Variants in IGLON5 observed in about 807,000 individuals in gnomAD.
The protein encoded by IGLON5 is Ig-like domain-containing protein ENSP00000270642.
In IGLON5, 16 loss-of-function variants were observed where a neutral mutation model predicts 38.2. The ratio of observed to expected loss-of-function variants is 0.42; its 90% confidence interval spans 0.28 to 0.64. The LOEUF (loss-of-function observed/expected upper bound fraction) is 0.64, where lower values mean the gene tolerates loss of function less well. Among genes scored for constraint, IGLON5 ranks in the 30% least tolerant of loss-of-function variants. The pLI is 0.23. For missense variants in IGLON5, 366 were observed against 483.4 expected (o/e 0.76, Z 2.28); for synonymous variants, 207 against 216.4 (o/e 0.96, Z 0.38).
At chr19:51,318,213 C>A (rs1020565497) in intron 1 of IGLON5, among the ~76,000 whole-genome samples, 4 of 152,228 alleles carry the variant, frequency 2.6e-5, no homozygotes, top group Non-Finnish European at 5.9e-5. Flanking sequence ...GTGTTGCAGG[C>A]ATCCATTTAT....
At position 51,311,931 on chromosome 19, in the gene IGLON5, CG is replaced by C; in HGVS notation, c.79+6del. On this transcript the variant is annotated splice_donor_region_variant and intron_variant, in intron 1 of 7. Coordinates refer to ENST00000270642, the MANE Select transcript of IGLON5 (RefSeq NM_001101372.3). ...GCTTGGCCGTCATCAGCCGAGGTAC[CG>C]CAGCGCCGGGGGCGGGGGGCTCGGC... The C allele has an allele frequency of 7.5e-7, 1 of 1,325,626 alleles. No individual in the cohort carries two copies. The highest frequency in any genetic ancestry group is 9.6e-7 in the Non-Finnish European group (1 of 1,036,776). The allele number at this position is 1,325,626 out of a possible 1,614,324, so 82.1% of individuals were successfully genotyped here. A position where few individuals can be genotyped will look rare whatever the true frequency, so the allele number is the denominator to read the frequency against.
At position 51,311,936 on chromosome 19, in the gene IGLON5, C is replaced by T. The variant is rs1432098468; in HGVS notation, c.79+10C>T. The T allele has an allele frequency of 7.6e-7, 1 of 1,314,420 alleles. No individual in the cohort carries two copies. The highest frequency in any genetic ancestry group is 9.7e-7 in the Non-Finnish European group (1 of 1,030,934). 81.4% of individuals were successfully genotyped at this position (1,314,420 alleles called of 1,614,324 possible). A position where few individuals can be genotyped will look rare whatever the true frequency, so the allele number is the denominator to read the frequency against. The stretch of plus-strand genomic sequence containing the variant: ...GCCGTCATCAGCCGAGGTACCGCAG[C>T]GCCGGGGGCGGGGGGCTCGGCCGGG... On this transcript the variant is annotated intron_variant, in intron 1 of 7. Transcript: ENST00000270642.
At position 51,327,214 on chromosome 19, in the gene IGLON5, TGA is replaced by T. The variant is rs766387080; in HGVS notation, c.767+16_767+17del. The stretch of plus-strand genomic sequence containing the variant: ...GGATGACAGACTGTGAGGACAGCAC[TGA>T]GGGGGCCGTGGGAGCGGGAAGGGGA... On this transcript the variant is annotated intron_variant, in intron 6 of 7. Transcript: ENST00000270642. This position sits in a 1 kb window ranked among gnomAD's most constrained non-coding sequence, Gnocchi z 7.1. 22 of 1,601,710 alleles carry T rather than the reference TGA, an allele frequency of 1.4e-5. No individual in the cohort carries two copies. Among genetic ancestry groups the T allele is most frequent in the Non-Finnish European group, 1.7e-5 (20 of 1,172,772 alleles).
At chr19:51,322,699 CTGTG>C (rs887828659) in intron 2 of IGLON5, among the ~76,000 whole-genome samples, 2 of 141,674 alleles carry the variant, frequency 1.4e-5, no homozygotes, top group South Asian at 2.6e-4. Flanking sequence ...CTGTCCTTCT[CTGTG>C]TGTGTGTCTC....
At chr19:51,326,097 C>A (rs1434587924) in intron 4 of IGLON5, among the ~76,000 whole-genome samples, 1 of 152,098 alleles carries the variant, frequency 6.6e-6, no homozygotes, top group African/African-American at 2.4e-5. Flanking sequence ...TTATGTGGAT[C>A]TCCACCACCA....
intron 1 of IGLON5, 76 bp downstream of exon 1, chr19:51,312,002 G>A: frequency 2.6e-6 from 2 of 783,926 alleles, no homozygotes; most frequent in African/African-American, 3.7e-5. Flanking sequence ...ATCAGGGGTG[G>A]GGGTCGAGGG....
intron 1 of IGLON5, among the ~76,000 whole-genome samples, chr19:51,316,355 A>AAG (rs1366654292): frequency 1.3e-5 from 2 of 150,916 alleles, no homozygotes; most frequent in African/African-American, 4.9e-5. Context: ...AAAAAAAAAA[A>AAG]AAAAGAAAAG....
At chr19:51,321,114 G>A (rs1985045393) in intron 1 of IGLON5, among the ~76,000 whole-genome samples, 1 of 152,166 alleles carries the variant, frequency 6.6e-6, no homozygotes, top group Non-Finnish European at 1.5e-5. Context: ...GTATATGTCT[G>A]TGCGTGTAGA....
intron 1 of IGLON5, among the ~76,000 whole-genome samples, chr19:51,313,381 C>T (rs1404030709): frequency 1.3e-5 from 2 of 152,234 alleles, no homozygotes; most frequent in African/African-American, 2.4e-5. Flanking sequence ...GTCTCTGGGT[C>T]ATTGTCTCTC....
chr19:51,312,396 A>G (rs1408769726), intron 1 of IGLON5, among the ~76,000 whole-genome samples: 1 of 151,900 alleles, frequency 6.6e-6, no homozygotes, highest in Non-Finnish European at 1.5e-5. Flanking sequence ...GGGCTGGGGT[A>G]GTCATCTCGG....
chr19:51,312,989 G>A (rs1227822558), intron 1 of IGLON5, among the ~76,000 whole-genome samples: 2 of 152,118 alleles, frequency 1.3e-5, no homozygotes, highest in Admixed American at 6.5e-5. Context: ...ATTCCCCCAG[G>A]CCCTCCCCTG....
chr19:51,315,969 C>T (rs375507462), intron 1 of IGLON5, among the ~76,000 whole-genome samples: 199 of 150,682 alleles, frequency 1.3e-3, no homozygotes, highest in African/African-American at 4.5e-3. Context: ...GCTGGGATTA[C>T]AGGCGTGAGC....
intron 1 of IGLON5, among the ~76,000 whole-genome samples, chr19:51,312,940 GGAGGGCAGGGA>G (rs1439897820): frequency 6.6e-6 from 1 of 152,148 alleles, no homozygotes; most frequent in African/African-American, 2.4e-5. Context: ...TGGGCGCTCA[GGAGGGCAGGGA>G]GCTGGGTTAA....
intron 1 of IGLON5, among the ~76,000 whole-genome samples, chr19:51,315,364 C>T (rs896137309): frequency 9.9e-5 from 15 of 152,156 alleles, no homozygotes; most frequent in Non-Finnish European, 1.9e-4. Flanking sequence ...GTTCATCTGG[C>T]TTGTGGGCTG....
intron 1 of IGLON5, among the ~76,000 whole-genome samples, chr19:51,312,354 G>T (rs527256105): frequency 6.6e-6 from 1 of 152,112 alleles, no homozygotes; most frequent in African/African-American, 2.4e-5. Context: ...TCATCTGTAC[G>T]TGGAGAGGGT....
intron 4 of IGLON5, 47 bp from the exon 5 acceptor site, chr19:51,326,717 A>G: frequency 7.6e-7 from 1 of 1,319,032 alleles, no homozygotes; most frequent in Non-Finnish European, 1.0e-6. Flanking sequence ...GTCCCGTGTT[A>G]AGTGTTTGTG....
chr19:51,327,720 G>A lies in IGLON5; in HGVS notation c.768-12G>A, dbSNP rs760696280. On this transcript the variant is annotated splice_polypyrimidine_tract_variant and intron_variant, in intron 6 of 7. Coordinates refer to ENST00000270642, the MANE Select transcript of IGLON5 (RefSeq NM_001101372.3). This position sits in a 1 kb window ranked among gnomAD's most constrained non-coding sequence, Gnocchi z 7.1. ...GCGCTGCGGCCCGGCCCCTGACCCG[G>A]ATCCCTGGCAGGCTGAGCAGCGGCA... 1.9e-6 allele frequency: 3 copies of A among 1,562,818 alleles called. No homozygotes were observed. The highest frequency in any genetic ancestry group is 1.2e-5 in the South Asian group (1 of 85,064).
chr19:51,326,640 T>A, intron 4 of IGLON5, 124 bp from the exon 5 acceptor site: 2 of 50,912 alleles, frequency 3.9e-5, no homozygotes, highest in Non-Finnish European at 8.3e-5. Context: ...CCCACCCCCA[T>A]TGACCCGGGC....
chr19:51,318,589 G>C (rs1015961040), intron 1 of IGLON5, among the ~76,000 whole-genome samples: 1 of 151,890 alleles, frequency 6.6e-6, no homozygotes, highest in Non-Finnish European at 1.5e-5. Context: ...AAAAAAAGTA[G>C]CCAGGTGTGG....
Sources: allele counts gnomAD v4.1 joint callset (sites outside exome capture counted in the v4.1 genomes callset), GRCh38; gene constraint gnomAD v4.1.1; non-coding constraint Gnocchi (gnomAD v3.1); transcripts MANE v1.5; gene names NCBI Gene and HGNC (gene_info 2026-07-23, HGNC 2026-07-21).